FHAD1: variants seen among roughly 807,000 people sequenced by gnomAD.
FHAD1 encodes forkhead associated phosphopeptide binding domain 1.
In FHAD1, 146 loss-of-function variants were observed where a neutral mutation model predicts 191.3. The ratio of observed to expected loss-of-function variants is 0.76; its 90% CI spans 0.67 to 0.88. FHAD1 has a LOEUF of 0.88. Ranked by LOEUF, FHAD1 falls within the 40% of genes least tolerant of loss-of-function variation. The pLI, the probability that FHAD1 is intolerant of heterozygous loss-of-function variation, is 0.00. For missense variants in FHAD1, 1,635 were observed against 1,785.8 expected (o/e 0.92, Z 1.52); for synonymous variants, 616 against 672.3 (o/e 0.92, Z 1.29).
At chr1:15,384,821 C>T (rs6676888) in intron 31 of FHAD1, among the ~76,000 whole-genome samples, 1,641 of 152,336 alleles carry the variant, frequency 0.011, 26 homozygotes, top group African/African-American at 0.038. Flanking sequence ...CCACAGGGCA[C>T]GGCCCACCCT....
At position 15,349,065 on chromosome 1, in the gene FHAD1, T is replaced by C. The variant is rs574319271; in HGVS notation, c.2370T>C (p.His790=). ...AGGTTTTGGAGAGCAGCATAGCCCA[T>C]GAAAAAAGAAAAGCAAAGGAAGCCT... ...QKEVLESSIA[H]EKRKAKEALE... The change falls in exon 19 of 34, where the codon CAT becomes CAC. Residue 790 remains histidine, a synonymous_variant. Coordinates refer to ENST00000688493, the MANE Select transcript of FHAD1 (RefSeq NM_001391957.1). 22 of 1,548,910 alleles carry C rather than the reference T, an allele frequency of 1.4e-5. No homozygotes were observed. In the East Asian group the frequency reaches 4.7e-4, roughly 33 times the overall value.
rs539318721 is a variant in FHAD1, at chr1:15,360,798, G to A, written c.2962+95G>A. 7.5e-4 allele frequency: 770 copies of A among 1,030,518 alleles called. 7 individuals carry two copies. The highest frequency in any genetic ancestry group is 9.9e-4 in the African/African-American group (61 of 61,826). The allele number at this position is 1,030,518 out of a possible 1,614,324, so 63.8% of individuals were successfully genotyped here. A position where few individuals can be genotyped will look rare whatever the true frequency, so the allele number is the denominator to read the frequency against. On this transcript the variant is annotated intron_variant, in intron 22 of 33. Coordinates refer to ENST00000688493, the MANE Select transcript of FHAD1 (RefSeq NM_001391957.1). The stretch of plus-strand genomic sequence containing the variant: ...CAGGCTGATGGCTAAGAAAAAGGCC[G>A]TGCCTCATTCGAAAGCTCATTCATT...
intron 2 of FHAD1, among the ~76,000 whole-genome samples, chr1:15,262,344 C>G (rs980283853): frequency 6.6e-6 from 1 of 152,168 alleles, no homozygotes; most frequent in Non-Finnish European, 1.5e-5. Flanking sequence ...TTCTTCACCA[C>G]AAACCCATAA....
Position 15,382,032 on chromosome 1 carries a change from A to C in FHAD1, c.4027A>C (p.Ser1343Arg). Residue 1343 changes from serine (S) to arginine (R), a missense_variant, in exon 31 of 34, where the codon AGC (serine) becomes CGC (arginine). Physicochemically the swap from Ser to Arg is moderately radical, Grantham distance 110. Transcript: ENST00000688493. ...YEKDVEQLRR[S>R]KVSIEMYQSQ... The stretch of plus-strand genomic sequence containing the variant: ...CCATCTCTCCTGTGCACCCAGGCGG[A>C]GCAAAGTGTCCATTGAGATGTACCA... The C allele has an allele frequency of 6.4e-7, 1 of 1,552,040 alleles. No individual in the cohort carries two copies. The highest frequency in any genetic ancestry group is 1.2e-5 in the South Asian group (1 of 84,044).
At chr1:15,283,925 T>C (rs944549998) in intron 3 of FHAD1, among the ~76,000 whole-genome samples, 4 of 152,196 alleles carry the variant, frequency 2.6e-5, no homozygotes, top group Non-Finnish European at 5.9e-5. Flanking sequence ...GGAAAGCAAG[T>C]GCAAATCATG....
At chr1:15,373,064 G>A (rs1448259871) in intron 26 of FHAD1, among the ~76,000 whole-genome samples, 2 of 152,192 alleles carry the variant, frequency 1.3e-5, no homozygotes, top group African/African-American at 4.8e-5. Context: ...TCTTACCCTA[G>A]AGAAGCATTG....
intron 33 of FHAD1, among the ~76,000 whole-genome samples, chr1:15,393,445 C>T (rs895471491): frequency 6.6e-6 from 1 of 151,708 alleles, no homozygotes; most frequent in Non-Finnish European, 1.5e-5. Flanking sequence ...CACACACACA[C>T]ACACACACAC....
chr1:15,363,849 G>A (rs1695580178), intron 23 of FHAD1: 1 of 453,872 alleles, frequency 2.2e-6, no homozygotes, highest in Non-Finnish European at 4.4e-6. Flanking sequence ...GCGCCGATGG[G>A]ATGCAGTGGA....
intron 2 of FHAD1, among the ~76,000 whole-genome samples, chr1:15,257,024 C>T (rs1382161156): frequency 6.6e-6 from 1 of 152,252 alleles, no homozygotes; most frequent in Non-Finnish European, 1.5e-5. Context: ...TGAGTTGTAT[C>T]CCTTTGCCTG....
chr1:15,364,520 G>C (rs1475879319), intron 23 of FHAD1, among the ~76,000 whole-genome samples: 1 of 152,138 alleles, frequency 6.6e-6, no homozygotes, highest in African/African-American at 2.4e-5. Context: ...TGAGGCAGGA[G>C]AATCACTTGA....
intron 31 of FHAD1, among the ~76,000 whole-genome samples, chr1:15,382,804 C>T (rs1701213117): frequency 6.6e-6 from 1 of 152,178 alleles, no homozygotes; most frequent in African/African-American, 2.4e-5. Flanking sequence ...GCCACAATGC[C>T]GCCAGTGACC....
At chr1:15,243,180 G>A (rs775963556), upstream of FHAD1, among the ~76,000 whole-genome samples, 4 of 152,174 alleles carry the variant, frequency 2.6e-5, no homozygotes, top group Non-Finnish European at 4.4e-5. Context: ...TTTCTGCCAC[G>A]GGAAAAGGCA....
chr1:15,347,410 C>T (rs1021948017), intron 18 of FHAD1, among the ~76,000 whole-genome samples: 4 of 152,204 alleles, frequency 2.6e-5, no homozygotes, highest in Admixed American at 6.5e-5. Context: ...GGCTTCCTAT[C>T]GGGGGAATTT....
intron 20 of FHAD1, 115 bp from the exon 21 acceptor site, chr1:15,357,995 C>T (rs887447933): frequency 2.1e-5 from 15 of 722,096 alleles, no homozygotes; most frequent in Non-Finnish European, 2.2e-6. Context: ...TTAAAAGAAT[C>T]GACAGAATAA....
At chr1:15,238,826 C>T (rs1451773754) in intron 1 of FHAD1, among the ~76,000 whole-genome samples, 1 of 152,224 alleles carries the variant, frequency 6.6e-6, no homozygotes, top group Non-Finnish European at 1.5e-5. Flanking sequence ...CCAGACACAT[C>T]AAAGCTTCCT....
intron 33 of FHAD1, among the ~76,000 whole-genome samples, chr1:15,392,251 G>A (rs1296761432): frequency 6.6e-6 from 1 of 152,228 alleles, no homozygotes; most frequent in Non-Finnish European, 1.5e-5. Flanking sequence ...GTTTCCTCCA[G>A]GCCAGGCGTG....
chr1:15,311,787 C>T lies in FHAD1; in HGVS notation c.1040-1270C>T, dbSNP rs1672351052. On this transcript the variant is annotated intron_variant, in intron 7 of 33. Transcript: ENST00000688493. The surrounding 1 kb of genome is among the most constrained non-coding windows in gnomAD (Gnocchi z 4.1). ...GATAATACAATAATATATTGACTAT[C>T]TGCTGTCACATAAGTTATCCCAAAA... Among the ~76,000 whole-genome samples the T allele has an allele frequency of 6.6e-6, 1 of 152,222 alleles. No homozygotes were observed. Among genetic ancestry groups the T allele is most frequent in the East Asian group, 1.9e-4 (1 of 5,196 alleles).
intron 22 of FHAD1, among the ~76,000 whole-genome samples, chr1:15,361,727 G>C (rs1694867344): frequency 6.8e-6 from 1 of 146,980 alleles, no homozygotes; most frequent in Non-Finnish European, 1.5e-5. Context: ...TGAGCTGGGG[G>C]CCAGGTCAGT....
At chr1:15,310,280 C>T (rs542778845) in intron 7 of FHAD1, among the ~76,000 whole-genome samples, 107 of 152,318 alleles carry the variant, frequency 7.0e-4, no homozygotes, top group African/African-American at 2.5e-3. Flanking sequence ...GGCCGCCTGG[C>T]CGTGGCTTTC....
Sources: allele counts gnomAD v4.1 joint callset (sites outside exome capture counted in the v4.1 genomes callset), GRCh38; gene constraint gnomAD v4.1.1; non-coding constraint Gnocchi (gnomAD v3.1); transcripts MANE v1.5; gene names NCBI Gene and HGNC (gene_info 2026-07-23, HGNC 2026-07-21).